Variants in SLC2A9 observed in about 807,000 individuals in gnomAD.
The protein encoded by SLC2A9 is solute carrier family 2 member 9.
Under a neutral mutation model 50.6 loss-of-function variants are expected in SLC2A9, and 39 were observed. The observed-to-expected ratio is 0.77, with a 90% CI of 0.60 to 1.01. The LOEUF is 1.01. Ranked by LOEUF, SLC2A9 falls within the 50% of genes least tolerant of loss-of-function variation. The pLI, the probability that SLC2A9 is intolerant of heterozygous loss-of-function variation, is 0.00. For synonymous variants in SLC2A9, 324 were observed against 276.9 expected, an observed-to-expected ratio of 1.17 and a Z score of -1.69; for missense variants, 686 against 677.6, an observed-to-expected ratio of 1.01 and a Z score of -0.14.
chr4:10,029,170 G>C (rs6826764), intron 1 of SLC2A9: 118,874 of 152,228 alleles, frequency 0.78, 46,743 homozygotes, highest in Non-Finnish European at 0.82. Flanking sequence ...ACCTTTGTAA[G>C]ATGAGCGGCT....
chr4:10,023,455 G>C (rs1763646387), upstream of SLC2A9, among the ~76,000 whole-genome samples: 1 of 152,138 alleles, frequency 6.6e-6, no homozygotes, highest in South Asian at 2.1e-4. Flanking sequence ...TAACAGTGGG[G>C]ACCTCACCAG....
chr4:9,914,035 T>C (rs1052477768), intron 7 of SLC2A9, among the ~76,000 whole-genome samples: 1 of 152,154 alleles, frequency 6.6e-6, no homozygotes, highest in Non-Finnish European at 1.5e-5. Flanking sequence ...ACTGCTCCAT[T>C]TAACAGATGT....
intron 2 of SLC2A9, among the ~76,000 whole-genome samples, chr4:10,013,329 G>T (rs748766442): frequency 2.0e-5 from 3 of 152,202 alleles, no homozygotes; most frequent in Non-Finnish European, 4.4e-5. Context: ...GACCCTTGTG[G>T]ATGCACGAGG....
intron 3 of SLC2A9, 150 bp from the exon 4 acceptor site, chr4:9,985,943 G>C: frequency 8.9e-7 from 1 of 1,125,150 alleles, no homozygotes. Context: ...TGCCACCTCT[G>C]GCTGTGTGAC....
At chr4:9,979,777 A>G (rs1046484483) in intron 5 of SLC2A9, among the ~76,000 whole-genome samples, 8 of 152,128 alleles carry the variant, frequency 5.3e-5, no homozygotes, top group African/African-American at 1.7e-4. Flanking sequence ...GTGGTGGCTC[A>G]GTGAACAGAC....
At position 9,816,301 on chromosome 4, in the gene SLC2A9, G is replaced by C. The variant is rs182074505; in HGVS notation, n.420+10119C>G. 3.4e-3 allele frequency among the ~76,000 whole-genome samples: 513 copies of C among 152,274 alleles called. 4 individuals are homozygous for C. The highest frequency in any genetic ancestry group is 0.011 in the African/African-American group (465 of 41,548). On this transcript the variant is annotated intron_variant and non_coding_transcript_variant, in intron 3 of 3. Coordinates refer to the SLC2A9 transcript ENST00000503280. The stretch of plus-strand genomic sequence containing the variant: ...CAACTGCTCTAGGCTGTCTGTAATA[G>C]TTTTCTGCTGCTGCTGTAACTAATT...
intron 5 of SLC2A9, among the ~76,000 whole-genome samples, chr4:9,947,939 C>T (rs186323208): frequency 2.0e-5 from 3 of 152,160 alleles, no homozygotes; most frequent in East Asian, 1.9e-4. Flanking sequence ...GTGGTATGTC[C>T]CCTCCTCTAG....
rs533531299 is a variant in SLC2A9 at position 9,806,679 on chromosome 4, G to A, written n.421-7438C>T. The stretch of plus-strand genomic sequence containing the variant: ...GGAATAAAGGCTGTGTGCATGGGGG[G>A]TGGGAGGAGAGAAGTGGGGGTAGTT... On this transcript the variant is annotated intron_variant and non_coding_transcript_variant, in intron 3 of 3. Coordinates refer to the SLC2A9 transcript ENST00000503280. Among the ~76,000 whole-genome samples, 91 of 152,186 alleles carry A rather than the reference G, an allele frequency of 6.0e-4. 1 individual carries two copies. Among genetic ancestry groups the A allele is most frequent in the Non-Finnish European group, 1.1e-3 (78 of 68,042 alleles).
At chr4:9,818,819 G>A (rs1418988135) in intron 3 of SLC2A9, among the ~76,000 whole-genome samples, 1 of 152,184 alleles carries the variant, frequency 6.6e-6, no homozygotes, top group Non-Finnish European at 1.5e-5. Flanking sequence ...GATGGGGGCA[G>A]GTGAAAAGTA....
chr4:9,879,353 C>CGTGT (rs3060767), intron 10 of SLC2A9: 26,522 of 933,144 alleles, frequency 0.028, 240 homozygotes, highest in Admixed American at 0.11. Flanking sequence ...GACCATGAAG[C>CGTGT]GTGTGTGTGT....
chr4:9,963,929 C>A (rs531998899), intron 5 of SLC2A9, among the ~76,000 whole-genome samples: 1 of 152,158 alleles, frequency 6.6e-6, no homozygotes, highest in Non-Finnish European at 1.5e-5. Flanking sequence ...ACACCCAACA[C>A]GCTTGTTAAT....
chr4:9,857,086 C>A (rs747719055), intron 10 of SLC2A9, among the ~76,000 whole-genome samples: 1 of 152,138 alleles, frequency 6.6e-6, no homozygotes, highest in Non-Finnish European at 1.5e-5. Context: ...ATCAAACCTG[C>A]ACATGTACCC....
chr4:9,807,573 A>G (rs1722293252), intron 3 of SLC2A9, among the ~76,000 whole-genome samples: 1 of 152,118 alleles, frequency 6.6e-6, no homozygotes, highest in African/African-American at 2.4e-5. Flanking sequence ...TTTCCAGTGC[A>G]TAGCATCAGT....
intron 2 of SLC2A9, among the ~76,000 whole-genome samples, chr4:10,012,429 C>G (rs571720792): frequency 1.3e-5 from 2 of 152,286 alleles, no homozygotes; most frequent in African/African-American, 4.8e-5. Context: ...TTTATAAATG[C>G]TTACAATGTG....
intron 5 of SLC2A9, among the ~76,000 whole-genome samples, chr4:9,962,685 C>T (rs970306897): frequency 6.6e-6 from 1 of 152,068 alleles, no homozygotes; most frequent in Non-Finnish European, 1.5e-5. Flanking sequence ...GTGTAACAAA[C>T]CTGCACACCC....
At chr4:9,782,585 G>T (rs1385837271) in intron 3 of SLC2A9, 1 of 1,613,946 alleles carries the variant, frequency 6.2e-7, no homozygotes, top group African/African-American at 1.3e-5. Flanking sequence ...GGACCAGGCG[G>T]CCTCTTGGGG....
chr4:9,785,546 T>G (rs1324419288), intron 3 of SLC2A9, among the ~76,000 whole-genome samples: 6 of 152,264 alleles, frequency 3.9e-5, no homozygotes, highest in Admixed American at 3.9e-4. Context: ...AAGCAAGAGT[T>G]GCTATAAGCA....
Position 9,826,519 on chromosome 4 carries a change from C to T in SLC2A9, c.1501G>A (p.Glu501Lys). The T allele has an allele frequency of 6.2e-7, 1 of 1,614,002 alleles. No homozygotes were observed. The highest frequency in any genetic ancestry group is 1.1e-5 in the South Asian group (1 of 91,074). ...TCTGCATAGGTTCTGTTTTTGGTCT[C>T]AGGCAGCACAAAATACAGGTAGATA... The part of the protein sequence containing the change: ...GAIYLYFVLP[E>K]TKNRTYAEIS... Residue 501 changes from glutamate (E) to lysine (K), a missense_variant, in exon 12 of 12, where the codon GAG becomes AAG. Transcript: ENST00000264784.
At chr4:9,772,652 G>T (rs1381543674) in intron 1 of SLC2A9, among the ~76,000 whole-genome samples, 4 of 152,156 alleles carry the variant, frequency 2.6e-5, no homozygotes, top group Non-Finnish European at 4.4e-5. Context: ...TTATTAACAA[G>T]AAATAAACAC....
Sources: gnomAD v4.1 joint callset for allele counts (sites outside exome capture counted in the v4.1 genomes callset) on GRCh38, gnomAD v4.1.1 for gene constraint, MANE v1.5 for transcripts, NCBI Gene and HGNC (gene_info 2026-07-23, HGNC 2026-07-21) for gene names.